ZNF433: variants seen among roughly 807,000 people sequenced by gnomAD.
The protein encoded by ZNF433 is zinc finger protein 433.
A neutral mutation model predicts 10.6 loss-of-function variants in ZNF433; 12 were observed. That is an observed-to-expected ratio of 1.13 (90% CI 0.72 to 1.83). ZNF433 has a LOEUF of 1.83. ZNF433 is among the 40% of genes most tolerant of loss of function. The pLI is 0.00. For synonymous variants in ZNF433, 272 were observed against 271.3 expected (o/e 1.00, Z -0.02); for missense variants, 737 against 798.0 (o/e 0.92, Z 0.92).
chr19:12,021,075 GTTCAAGCAATTCTCCTGCCTCAGC>G (rs1568334525), intron 1 of ZNF433, among the ~76,000 whole-genome samples: 1 of 150,914 alleles, frequency 6.6e-6, no homozygotes, highest in Non-Finnish European at 1.5e-5. Context: ...CTGCCTCCAG[GTTCAAGCAATTCTCCTGCCTCAGC>G]TTCCCAAGTA....
chr19:12,029,649 G>A (rs749172803), intron 1 of ZNF433, among the ~76,000 whole-genome samples: 8 of 150,984 alleles, frequency 5.3e-5, no homozygotes, highest in Middle Eastern at 3.5e-3. Flanking sequence ...CCTGTAATAC[G>A]ATGGAATTAA....
At chr19:12,024,242 C>T (rs1974631885) in intron 1 of ZNF433, 1 of 152,208 alleles carries the variant, frequency 6.6e-6, no homozygotes, top group Non-Finnish European at 1.5e-5. Context: ...CCTATGGGGA[C>T]ATTACAGCCA....
chr19:12,019,249 C>T (rs755753281), intron 1 of ZNF433, among the ~76,000 whole-genome samples: 7 of 151,262 alleles, frequency 4.6e-5, no homozygotes, highest in African/African-American at 7.3e-5. Flanking sequence ...GGTGAAACAC[C>T]GTCTCTACTA....
At chr19:12,023,571 G>A (rs1054386069) in intron 1 of ZNF433, 4 of 152,120 alleles carry the variant, frequency 2.6e-5, no homozygotes, top group African/African-American at 9.7e-5. Flanking sequence ...TAACTATTCA[G>A]GGAAAGAAAT....
In ZNF433 at chr19:12,015,747, C is replaced by CT. The variant is rs1339315337; in HGVS notation, c.1110dup (p.Ala371SerfsTer12). ...TGAAGTGAACTGGGAGAATAAAAGGCTTTCCCACATATCTTACATTTATGA... is the reference window on the plus strand; with the variant it reads ...TGAAGTGAACTGGGAGAATAAAAGGCTTTTCCCACATATCTTACATTTATGA... On this transcript the variant is annotated frameshift_variant, in exon 4 of 4. Coordinates refer to ENST00000550507, the MANE Select transcript of ZNF433 (RefSeq NM_001308348.2). LOFTEE classifies it low-confidence loss of function (END_TRUNC). The CT allele has an allele frequency of 3.1e-6, 5 of 1,613,592 alleles. No individual in the cohort carries two copies. The Admixed American group carries it at 8.4e-5, about 27-fold the overall frequency.
chr19:12,014,722 C>T lies in ZNF433; in HGVS notation c.*123G>A. ...CGGATTTCTCAACTGCCATTACCAC[C>T]AACTGGAAGTCTTTTTATTTATTTA... is the stretch of plus-strand genomic sequence containing the variant. On this transcript the variant is annotated 3_prime_UTR_variant, in exon 4 of 4. Transcript: ENST00000550507. 1.3e-6 allele frequency: 1 copy of T among 750,674 alleles called. No individual in the cohort carries two copies. The highest frequency in any genetic ancestry group is 2.0e-6 in the Non-Finnish European group (1 of 495,072). 46.5% of individuals were successfully genotyped at this position (750,674 alleles called of 1,614,324 possible). A position where few individuals can be genotyped will look rare whatever the true frequency, so the allele number is the denominator to read the frequency against.
rs780985925 is a variant in ZNF433, at chr19:12,015,479, G to C, written c.1379C>G (p.Ser460Cys). Residue 460 changes from serine (S) to cysteine (C), a missense_variant, in exon 4 of 4, where the codon TCT becomes TGT. Ser to Cys is a moderately radical substitution (Grantham distance 112). Coordinates refer to ENST00000550507, the MANE Select transcript of ZNF433 (RefSeq NM_001308348.2). ...CATCCTTTCATGTATTTGAAAGAAA[G>C]AGAAATTACTAAATGGTTTTCCACA... ...KECGKPFSNF[S>C]FFQIHERMHR... 2.2e-5 allele frequency: 35 copies of C among 1,613,828 alleles called. No individual in the cohort carries two copies. Among genetic ancestry groups the C allele is most frequent in the Non-Finnish European group, 2.6e-5 (31 of 1,179,988 alleles).
At chr19:12,018,068 T>A in intron 2 of ZNF433, 98 bp downstream of exon 2, 10 of 1,397,068 alleles carry the variant, frequency 7.2e-6, no homozygotes, top group Non-Finnish European at 9.7e-6. Flanking sequence ...ACATTGTAAA[T>A]CACTCAACAG....
At chr19:12,034,389 C>T (rs1975177991) in intron 1 of ZNF433, among the ~76,000 whole-genome samples, 1 of 152,178 alleles carries the variant, frequency 6.6e-6, no homozygotes, top group Non-Finnish European at 1.5e-5. Flanking sequence ...CTGGAACCCT[C>T]CCACACTTGA....
intron 1 of ZNF433, chr19:12,021,878 A>C (rs1974511188): frequency 2.3e-6 from 1 of 444,288 alleles, no homozygotes; most frequent in Admixed American, 2.4e-5. Flanking sequence ...TTAGTAAGAT[A>C]GGGGACTGTG....
chr19:12,017,988 A>T, intron 2 of ZNF433, 52 bp from the exon 3 acceptor site: 1 of 1,399,032 alleles, frequency 7.1e-7, no homozygotes, highest in Non-Finnish European at 9.7e-7. Context: ...AATTATTAAA[A>T]AATTACATGA....
In ZNF433 at chr19:12,016,652, C is replaced by A; in HGVS notation, c.206G>T (p.Arg69Ile). 1 of 1,613,616 alleles carries A rather than the reference C, an allele frequency of 6.2e-7. No individual in the cohort carries two copies. Among genetic ancestry groups the A allele is most frequent in the Non-Finnish European group, 8.5e-7 (1 of 1,179,864 alleles). Reference protein sequence around the residue: ...LRRNLRIVGERLFESKEGHQH... With the variant: ...LRRNLRIVGEILFESKEGHQH... ...ATGACCTTCTTTACTTTCAAAGAGT[C>A]TCTCTCCCACAATTCTGTGAACAAT... Residue 69 changes from arginine (R) to isoleucine (I), a missense_variant, in exon 4 of 4, where the codon AGA (arginine) becomes ATA (isoleucine). Physicochemically the swap from Arg to Ile is moderately conservative, Grantham distance 97. Transcript: ENST00000550507.
intron 1 of ZNF433, among the ~76,000 whole-genome samples, chr19:12,022,496 C>A (rs189569365): frequency 6.6e-6 from 1 of 152,056 alleles, no homozygotes; most frequent in Non-Finnish European, 1.5e-5. Flanking sequence ...TCTCCATGAC[C>A]GAGATGGTCT....
At chr19:12,031,286 C>G (rs1242014875) in intron 1 of ZNF433, among the ~76,000 whole-genome samples, 1 of 126,950 alleles carries the variant, frequency 7.9e-6, no homozygotes, top group Admixed American at 8.0e-5. Context: ...TAGAGTGAGA[C>G]TCCATCTCAA....
chr19:12,021,033 A>G (rs1974470524), intron 1 of ZNF433, among the ~76,000 whole-genome samples: 1 of 143,116 alleles, frequency 7.0e-6, no homozygotes, highest in Non-Finnish European at 1.5e-5. Context: ...CGGGCTGGAG[A>G]GCAGTAGCAC....
intron 1 of ZNF433, among the ~76,000 whole-genome samples, chr19:12,029,270 C>A (rs1014026636): frequency 6.6e-6 from 1 of 151,840 alleles, no homozygotes; most frequent in African/African-American, 2.4e-5. Flanking sequence ...ACCTGTAATC[C>A]CAGCACTTTG....
At position 12,015,730 on chromosome 19, in the gene ZNF433, A is replaced by G. The variant is rs200155659; in HGVS notation, c.1128T>C (p.Ser376=). The G allele has an allele frequency of 1.9e-6, 3 of 1,613,532 alleles. No individual in the cohort carries two copies. Among genetic ancestry groups the G allele is most frequent in the East Asian group, 2.2e-5 (1 of 44,848 alleles). Residue 376 remains serine (S), a synonymous_variant, in exon 4 of 4, where the codon AGT becomes AGC. Transcript: ENST00000550507. ...GAGTTTTTTCATGTGTTTGAAGTGA[A>G]CTGGGAGAATAAAAGGCTTTCCCAC... ...KICGKAFYSP[S]SLQTHEKTHT...
intron 1 of ZNF433, chr19:12,030,139 C>G (rs752881495): frequency 2.7e-4 from 115 of 426,908 alleles, no homozygotes; most frequent in African/African-American, 2.2e-3. Flanking sequence ...CAGGCTCTTA[C>G]CAGGCACCAG....
Position 12,015,594 on chromosome 19 carries a change from TAC to T in ZNF433, c.1262_1263del (p.Cys421Ter). On this transcript the variant is annotated frameshift_variant, in exon 4 of 4. Transcript: ENST00000550507. LOFTEE classifies it low-confidence loss of function (END_TRUNC). ...GATCTGAAGGCTTTCCCACATTGCT[TAC>T]ACTCGTAAGGTTTCTCTCCAGTGTG... ...RTHTGEKPYE[C>X]KQCGKAFRSA... 1 of 1,614,120 alleles carries T rather than the reference TAC, an allele frequency of 6.2e-7. No individual in the cohort carries two copies. The highest frequency in any genetic ancestry group is 8.5e-7 in the Non-Finnish European group (1 of 1,180,022).
Sources: allele counts gnomAD v4.1 joint callset (sites outside exome capture counted in the v4.1 genomes callset), GRCh38; gene constraint gnomAD v4.1.1; transcripts MANE v1.5; gene names NCBI Gene and HGNC (gene_info 2026-07-23, HGNC 2026-07-21).